WASF2: variants seen among roughly 807,000 people sequenced by gnomAD.
The protein encoded by WASF2 is actin-binding protein WASF2.
Under a neutral mutation model 45.0 loss-of-function variants are expected in WASF2, and 14 were observed. The observed-to-expected ratio is 0.31, with a 90% CI of 0.21 to 0.49. The LOEUF (loss-of-function observed/expected upper bound fraction) is 0.49. WASF2 is among the 20% of genes least tolerant of loss of function. The pLI, the probability that WASF2 is intolerant of heterozygous loss-of-function variation, is 0.99. For synonymous variants in WASF2, 200 were observed against 236.3 expected (o/e 0.85, Z 1.41); for missense variants, 439 against 636.1 (o/e 0.69, Z 3.33).
intron 1 of WASF2, among the ~76,000 whole-genome samples, chr1:27,471,202 G>A (rs532120745): frequency 6.6e-6 from 1 of 151,812 alleles, no homozygotes; most frequent in Non-Finnish European, 1.5e-5. Flanking sequence ...AAAATTAGCC[G>A]GGCGTAGTGG....
chr1:27,411,907 A>T (rs897252576), intron 7 of WASF2, among the ~76,000 whole-genome samples: 4 of 152,236 alleles, frequency 2.6e-5, no homozygotes, highest in Admixed American at 2.6e-4. Context: ...AGGAAAAAAC[A>T]AGAAAGAAGC....
intron 1 of WASF2, among the ~76,000 whole-genome samples, chr1:27,459,111 C>T (rs989123521): frequency 2.6e-5 from 4 of 151,080 alleles, no homozygotes; most frequent in Non-Finnish European, 5.9e-5. Flanking sequence ...GCAACAAGAG[C>T]GAGACTCCAT....
At position 27,420,558 on chromosome 1, in the gene WASF2, T is replaced by C. The variant is rs2016892658; in HGVS notation, c.131-1470A>G. Among the ~76,000 whole-genome samples the C allele has an allele frequency of 3.1e-5, 4 of 130,922 alleles. No homozygotes were observed. The South Asian group carries it at 1.1e-3, about 36-fold the overall frequency. The allele number at this position is 130,922 out of a possible 152,430, so 85.9% of individuals were successfully genotyped here. On this transcript the variant is annotated intron_variant, in intron 2 of 8. Transcript: ENST00000618852. ...TTTTTTGAGACAGAGTCTTGCTCTA[T>C]CCCCCAGGTGGAGTGCAGTGGCACG...
intron 1 of WASF2, among the ~76,000 whole-genome samples, chr1:27,446,707 G>A (rs1284794421): frequency 1.3e-5 from 2 of 151,778 alleles, no homozygotes; most frequent in Non-Finnish European, 2.9e-5. Context: ...CTTGAGCCTG[G>A]GAGGTGGAGA....
chr1:27,477,083 T>C (rs1292187083), intron 1 of WASF2, among the ~76,000 whole-genome samples: 1 of 152,160 alleles, frequency 6.6e-6, no homozygotes, highest in Middle Eastern at 3.2e-3. Flanking sequence ...ACAGAACATA[T>C]TATCCTATCC....
intron 2 of WASF2, among the ~76,000 whole-genome samples, chr1:27,425,023 T>C (rs1374372151): frequency 6.6e-6 from 1 of 152,216 alleles, no homozygotes; most frequent in African/African-American, 2.4e-5. Context: ...TATGGACATA[T>C]GAGAGAGCAT....
chr1:27,445,776 G>A (rs2017302817), intron 1 of WASF2, among the ~76,000 whole-genome samples: 1 of 151,892 alleles, frequency 6.6e-6, no homozygotes, highest in Non-Finnish European at 1.5e-5. Context: ...TTTATCTACA[G>A]GGTCCCTGAG....
chr1:27,489,453 T>TAC (rs371077805), intron 1 of WASF2, among the ~76,000 whole-genome samples: 324 of 17,396 alleles, frequency 0.019, 23 homozygotes, highest in African/African-American at 0.037. Context: ...TCATGGTACG[T>TAC]ACACACACAC....
chr1:27,412,036 A>G (rs954120944), intron 7 of WASF2, among the ~76,000 whole-genome samples: 2 of 152,194 alleles, frequency 1.3e-5, no homozygotes, highest in East Asian at 1.9e-4. Context: ...GGGTCATTTC[A>G]TTGACCCCTC....
intron 1 of WASF2, among the ~76,000 whole-genome samples, chr1:27,459,879 A>C (rs951156492): frequency 6.6e-6 from 1 of 152,270 alleles, no homozygotes; most frequent in African/African-American, 2.4e-5. Context: ...AGATTCTATT[A>C]GAATAATTTT....
At chr1:27,463,063 G>A (rs538780384) in intron 1 of WASF2, among the ~76,000 whole-genome samples, 177 of 152,118 alleles carry the variant, frequency 1.2e-3, no homozygotes, top group African/African-American at 4.0e-3. Context: ...CAAGTGATCC[G>A]CCTGCCTGGA....
intron 7 of WASF2, among the ~76,000 whole-genome samples, chr1:27,411,645 T>C (rs2504764): frequency 0.85 from 129,303 of 151,832 alleles, 55,568 homozygotes; most frequent in Admixed American, 0.92. Context: ...GGGCGGATCA[T>C]GAGGTCAGGA....
intron 1 of WASF2, among the ~76,000 whole-genome samples, chr1:27,450,926 T>G (rs1021857483): frequency 6.6e-6 from 1 of 150,862 alleles, no homozygotes; most frequent in South Asian, 2.1e-4. Flanking sequence ...GAAATATATA[T>G]GGAGCCAGGC....
In WASF2 at chr1:27,410,428, T is replaced by C. The variant is rs1055943367; in HGVS notation, c.825-222A>G. ...CCACCAGTAGAGGAGGATAGACAGA[T>C]TGAGTAAAACTACCTGCAAGAAGTG... On this transcript the variant is annotated intron_variant, in intron 7 of 8. Transcript: ENST00000618852. The surrounding 1 kb of genome is among the most constrained non-coding windows in gnomAD (Gnocchi z 4.2). 6.6e-6 allele frequency among the ~76,000 whole-genome samples: 1 copy of C among 152,146 alleles called. No homozygotes were observed. Among genetic ancestry groups the C allele is most frequent in the African/African-American group, 2.4e-5 (1 of 41,432 alleles).
chr1:27,489,348 TACACAC>T (rs10636716), intron 1 of WASF2, among the ~76,000 whole-genome samples: 150 of 10,082 alleles, frequency 0.015, 4 homozygotes, highest in African/African-American at 0.045. Flanking sequence ...TACTTCATGG[TACACAC>T]ACACACACAC....
chr1:27,408,869 A>C (rs938507625), intron 8 of WASF2, among the ~76,000 whole-genome samples: 1 of 152,064 alleles, frequency 6.6e-6, no homozygotes, highest in African/African-American at 2.4e-5. Flanking sequence ...AGATAAAAGA[A>C]AATGGGAGAA....
At chr1:27,443,473 C>T (rs371064187) in intron 1 of WASF2, among the ~76,000 whole-genome samples, 5 of 151,666 alleles carry the variant, frequency 3.3e-5, no homozygotes, top group Admixed American at 6.6e-5. Flanking sequence ...ACTAGCTGGG[C>T]GTGGTGGCAG....
At chr1:27,445,576 C>T (rs764084077) in intron 1 of WASF2, among the ~76,000 whole-genome samples, 2 of 152,186 alleles carry the variant, frequency 1.3e-5, no homozygotes, top group Admixed American at 6.5e-5. Context: ...GTATAACATA[C>T]TGCTTTCTCC....
intron 1 of WASF2, among the ~76,000 whole-genome samples, chr1:27,488,938 A>T (rs1250774221): frequency 6.6e-6 from 1 of 152,194 alleles, no homozygotes; most frequent in Non-Finnish European, 1.5e-5. Flanking sequence ...ACTGTAAAAA[A>T]ATAAGAACAT....
Sources: allele counts gnomAD v4.1 joint callset (sites outside exome capture counted in the v4.1 genomes callset), GRCh38; gene constraint gnomAD v4.1.1; non-coding constraint Gnocchi (gnomAD v3.1); transcripts MANE v1.5; gene names NCBI Gene and HGNC (gene_info 2026-07-23, HGNC 2026-07-21).